Variants in PFKP observed in about 807,000 individuals in gnomAD.
PFKP encodes the protein ATP-dependent 6-phosphofructokinase, platelet type.
Under a neutral mutation model 94.3 loss-of-function variants are expected in PFKP, and 101 were observed. That is an observed-to-expected ratio of 1.07 (90% confidence interval 0.91 to 1.26). The LOEUF (loss-of-function observed/expected upper bound fraction) is 1.26. Among genes scored for constraint, PFKP ranks in the 50% most tolerant of loss-of-function variants. The pLI, the probability that PFKP is intolerant of heterozygous loss-of-function variation, is 0.00. For missense variants in PFKP, 1,145 were observed against 1,103.3 expected, an observed-to-expected ratio of 1.04 and a Z score of -0.53; for synonymous variants, 573 against 432.6, an observed-to-expected ratio of 1.32 and a Z score of -4.03.
chr10:3,110,448 C>T (rs1168837683), intron 10 of PFKP, among the ~76,000 whole-genome samples: 2 of 145,134 alleles, frequency 1.4e-5, no homozygotes, highest in African/African-American at 2.6e-5. Flanking sequence ...GATCTCCTGA[C>T]CTTGTGATCC....
At chr10:3,133,131 GC>G in intron 18 of PFKP, 71 bp from the exon 19 acceptor site, 1 of 1,059,936 alleles carries the variant, frequency 9.4e-7, no homozygotes, top group East Asian at 2.4e-5. Flanking sequence ...GCCTCCCAGG[GC>G]CATCTCCCCA....
At chr10:3,086,371 C>T (rs1833599219) in intron 2 of PFKP, among the ~76,000 whole-genome samples, 1 of 152,244 alleles carries the variant, frequency 6.6e-6, no homozygotes, top group South Asian at 2.1e-4. Flanking sequence ...AGTTCACTTT[C>T]TCCGCGTCAC....
Position 3,079,346 on chromosome 10 carries a change from T to G in PFKP, c.113-3042T>G, listed in dbSNP as rs1377852224. 3.9e-5 allele frequency among the ~76,000 whole-genome samples: 6 copies of G among 152,126 alleles called. No homozygotes were observed. The East Asian group carries it at 7.7e-4, about 20-fold the overall frequency. Reference sequence around the variant, plus strand: ...ACCTCCCGGGTTCACGCCATTCTCCTGCCTCAGCCTCCCGAGTAGCTGGGA... The same window carrying G: ...ACCTCCCGGGTTCACGCCATTCTCCGGCCTCAGCCTCCCGAGTAGCTGGGA... On this transcript the variant is annotated intron_variant, in intron 1 of 21. Coordinates refer to ENST00000381125, the MANE Select transcript of PFKP (RefSeq NM_002627.5).
chr10:3,105,255 T>C (rs1835420431), intron 6 of PFKP, 96 bp downstream of exon 6: 2 of 1,373,234 alleles, frequency 1.5e-6, no homozygotes, highest in South Asian at 1.2e-5. Flanking sequence ...AATGCTCCCG[T>C]GGAAAGTCCT....
rs77957059 is a variant in PFKP, at chr10:3,123,390, C to T, written c.1683+3346C>T. The stretch of plus-strand genomic sequence containing the variant: ...ATGTTTTGCTGGGCAGGGTCTCCCC[C>T]GTATTGAAGCTTCCCTTCCCTTTTT... On this transcript the variant is annotated intron_variant, in intron 16 of 21. Transcript: ENST00000381125. Among the ~76,000 whole-genome samples, 375 of 152,300 alleles carry T rather than the reference C, an allele frequency of 2.5e-3. 6 individuals are homozygous for T. The East Asian group carries it at 0.058, about 24-fold the overall frequency.
intron 1 of PFKP, among the ~76,000 whole-genome samples, chr10:3,079,971 G>A (rs1369931522): frequency 6.6e-6 from 1 of 151,276 alleles, no homozygotes; most frequent in Non-Finnish European, 1.5e-5. Flanking sequence ...GTCCTGCCAC[G>A]AATAAATGGA....
chr10:3,083,652 A>AT (rs750779819), intron 2 of PFKP, among the ~76,000 whole-genome samples: 104 of 125,980 alleles, frequency 8.3e-4, no homozygotes, highest in Non-Finnish European at 1.4e-3. Flanking sequence ...ATTTTATTTT[A>AT]TTTTTTTTGA....
At chr10:3,111,790 C>T (rs950587101) in intron 10 of PFKP, among the ~76,000 whole-genome samples, 4 of 152,128 alleles carry the variant, frequency 2.6e-5, no homozygotes, top group African/African-American at 7.2e-5. Context: ...GCTGTGACCT[C>T]GCTCCCATCC....
chr10:3,078,063 C>T (rs146247924), intron 1 of PFKP, among the ~76,000 whole-genome samples: 43 of 152,352 alleles, frequency 2.8e-4, no homozygotes, highest in African/African-American at 1.0e-3. Context: ...GGATTAGCCC[C>T]AGGATGCCTG....
At chr10:3,102,886 C>T (rs1482104425) in intron 4 of PFKP, among the ~76,000 whole-genome samples, 3 of 152,238 alleles carry the variant, frequency 2.0e-5, no homozygotes, top group Admixed American at 6.5e-5. Context: ...TCACGGTTCC[C>T]GCTTGTCCAC....
chr10:3,131,317 G>A (rs1421928220), intron 17 of PFKP, among the ~76,000 whole-genome samples: 1 of 152,036 alleles, frequency 6.6e-6, no homozygotes, highest in Non-Finnish European at 1.5e-5. Flanking sequence ...CAAGGCTTAA[G>A]TCACCTAGCA....
chr10:3,067,954 G>C (rs1046914479), intron 1 of PFKP, among the ~76,000 whole-genome samples: 3 of 152,172 alleles, frequency 2.0e-5, no homozygotes, highest in African/African-American at 7.2e-5. Context: ...AGGCAGCCCC[G>C]GGGTCCTTGC....
intron 7 of PFKP, 106 bp from the exon 8 acceptor site, chr10:3,107,108 C>T (rs1222292624): frequency 4.3e-6 from 3 of 702,686 alleles, no homozygotes; most frequent in Admixed American, 4.5e-5. Context: ...AGATTCCTGC[C>T]CAGAAAGAGG....
chr10:3,096,654 C>T (rs1476662582), intron 2 of PFKP, among the ~76,000 whole-genome samples: 1 of 57,404 alleles, frequency 1.7e-5, no homozygotes, highest in Non-Finnish European at 3.9e-5. Context: ...TGTTTCCTTG[C>T]CCCCCCGAGC....
intron 2 of PFKP, 144 bp downstream of exon 2, chr10:3,082,605 C>T: frequency 4.0e-6 from 2 of 496,210 alleles, no homozygotes; most frequent in Non-Finnish European, 7.0e-6. Flanking sequence ...CCAGCCAGGG[C>T]CGTTCCTCAG....
intron 2 of PFKP, among the ~76,000 whole-genome samples, chr10:3,093,051 C>T (rs1834177161): frequency 6.7e-6 from 1 of 148,456 alleles, no homozygotes; most frequent in Non-Finnish European, 1.5e-5. Flanking sequence ...AGCCTGAACT[C>T]CTGGGATGTG....
Position 3,101,444 on chromosome 10 carries a change from T to A in PFKP, c.344T>A (p.Leu115Gln), listed in dbSNP as rs1834986512. 1.2e-6 allele frequency: 2 copies of A among 1,610,006 alleles called. No individual in the cohort carries two copies. The highest frequency in any genetic ancestry group is 1.7e-5 in the Admixed American group (1 of 59,608). Reference sequence around the variant, plus strand: ...CGCCTGAAGGCTGCTTGCAACCTGCTGCAGCGCGGCATCACCAACCTGTGT... The same window carrying A: ...CGCCTGAAGGCTGCTTGCAACCTGCAGCAGCGCGGCATCACCAACCTGTGT... ...EGRLKAACNLLQRGITNLCVI... is the reference protein window; with the variant it reads ...EGRLKAACNLQQRGITNLCVI... Residue 115 changes from leucine (L) to glutamine (Q), a missense_variant, in exon 4 of 22, where the codon CTG becomes CAG. Leu to Gln is a moderately radical substitution (Grantham distance 113). Around this residue, in one of 3 missense-constraint regions of PFKP, gnomAD observed 1,119 missense variants for 1,062.8 expected, o/e 1.05. Coordinates refer to ENST00000381125, the MANE Select transcript of PFKP (RefSeq NM_002627.5).
At chr10:3,089,749 A>G (rs1056255304) in intron 2 of PFKP, among the ~76,000 whole-genome samples, 1 of 151,028 alleles carries the variant, frequency 6.6e-6, no homozygotes, top group Non-Finnish European at 1.5e-5. Context: ...ATTATATATT[A>G]TTAAACATTA....
intron 2 of PFKP, among the ~76,000 whole-genome samples, chr10:3,093,075 C>A (rs1013582640): frequency 6.6e-6 from 1 of 151,320 alleles, no homozygotes; most frequent in African/African-American, 2.5e-5. Context: ...ATGGGGGTGA[C>A]CACGGAAGCC....
Sources: gnomAD v4.1 joint callset for allele counts (sites outside exome capture counted in the v4.1 genomes callset) on GRCh38, gnomAD v4.1.1 for gene constraint, gnomAD v4.1.1 regional missense constraint, MANE v1.5 for transcripts, NCBI Gene and HGNC (gene_info 2026-07-23, HGNC 2026-07-21) for gene names.